Variants in PHLPP1 observed in about 807,000 individuals in gnomAD.
The protein encoded by PHLPP1 is PH domain leucine-rich repeat-containing protein phosphatase 1.
A neutral mutation model predicts 117.2 loss-of-function variants in PHLPP1; 42 were observed. The ratio of observed to expected loss-of-function variants is 0.36; its 90% CI spans 0.28 to 0.46. PHLPP1 has a LOEUF of 0.46. Among genes scored for constraint, PHLPP1 ranks in the 20% least tolerant of loss-of-function variants. The pLI, the probability that PHLPP1 is intolerant of heterozygous loss-of-function variation, is 1.00. For missense variants in PHLPP1, 2,084 were observed against 2,241.9 expected, an observed-to-expected ratio of 0.93 and a Z score of 1.42; for synonymous variants, 1,042 against 970.7, an observed-to-expected ratio of 1.07 and a Z score of -1.37.
rs559488741 is a variant in PHLPP1, at chr18:62,941,799, A to T, written c.3042A>T (p.Leu1014Phe). The T allele has an allele frequency of 6.2e-7, 1 of 1,613,882 alleles. No individual in the cohort carries two copies. The highest frequency in any genetic ancestry group is 2.2e-5 in the East Asian group (1 of 44,890). ...ATLSEETNSI[L>F]QELYLTNNSL... is the part of the protein sequence containing the mutation. ...TTTCCGAAGAGACAAACAGTATCTT[A>T]CAAGAGTTGTATTTGACAAATAACA... The change falls in exon 11 of 17, where the codon TTA (leucine) becomes TTT (phenylalanine). Residue 1014 changes from leucine (L) to phenylalanine (F), a missense_variant. Leu to Phe is a conservative substitution (Grantham distance 22, BLOSUM62 0). Around this residue, in one of 2 missense-constraint regions of PHLPP1, gnomAD observed 1,365 missense variants for 1,605.9 expected, o/e 0.85. Coordinates refer to ENST00000262719, the MANE Select transcript of PHLPP1 (RefSeq NM_194449.4).
intron 3 of PHLPP1, among the ~76,000 whole-genome samples, chr18:62,853,148 T>G (rs1023983397): frequency 2.6e-5 from 4 of 152,134 alleles, no homozygotes; most frequent in Admixed American, 2.6e-4. Context: ...TAGTGCAGTG[T>G]TCTTTAGAGG....
chr18:62,799,705 G>A (rs1295420645), intron 1 of PHLPP1, among the ~76,000 whole-genome samples: 1 of 152,152 alleles, frequency 6.6e-6, no homozygotes, highest in Non-Finnish European at 1.5e-5. Context: ...AATACAGTGT[G>A]TGTTCTACAG....
chr18:62,975,359 G>A (rs1190930949), intron 15 of PHLPP1, 38 bp from the exon 16 acceptor site: 1 of 1,414,198 alleles, frequency 7.1e-7, no homozygotes, highest in Non-Finnish European at 1.0e-6. Flanking sequence ...GCACTGATGG[G>A]CTGTGTTTGA....
chr18:62,877,432 G>A (rs188220882), intron 4 of PHLPP1, among the ~76,000 whole-genome samples: 6 of 152,198 alleles, frequency 3.9e-5, no homozygotes, highest in Non-Finnish European at 2.9e-5. Context: ...AGACACTGCT[G>A]TATAAAAAAC....
chr18:62,747,859 A>G (rs1911724292), intron 1 of PHLPP1, among the ~76,000 whole-genome samples: 1 of 152,088 alleles, frequency 6.6e-6, no homozygotes, highest in South Asian at 2.1e-4. Context: ...TTTAAAGGTC[A>G]TTTTGATGTT....
chr18:62,822,286 G>GTTTTTTTTTTTT, intron 1 of PHLPP1, among the ~76,000 whole-genome samples: 1 of 133,120 alleles, frequency 7.5e-6, no homozygotes, highest in Non-Finnish European at 1.6e-5. Flanking sequence ...TTTTGTTTTT[G>GTTTTTTTTTTTT]TTTTTTTTTT....
intron 3 of PHLPP1, among the ~76,000 whole-genome samples, chr18:62,857,805 A>G (rs965125673): frequency 2.0e-5 from 3 of 152,212 alleles, no homozygotes; most frequent in Admixed American, 6.5e-5. Flanking sequence ...CAGGGCAGAG[A>G]CTGTGTCTGT....
At chr18:62,822,274 T>TG (rs1363646086) in intron 1 of PHLPP1, among the ~76,000 whole-genome samples, 1,666 of 142,314 alleles carry the variant, frequency 0.012, 45 homozygotes, top group South Asian at 0.03. Flanking sequence ...TGTTTTTTTT[T>TG]TTTTTGTTTT....
chr18:62,849,531 C>G (rs1305373460), intron 3 of PHLPP1, among the ~76,000 whole-genome samples: 1 of 150,554 alleles, frequency 6.6e-6, no homozygotes, highest in African/African-American at 2.4e-5. Context: ...CATTGTGGCA[C>G]ATGCCTGTAA....
intron 12 of PHLPP1, among the ~76,000 whole-genome samples, chr18:62,947,968 T>C (rs977149863): frequency 1.3e-5 from 2 of 151,442 alleles, no homozygotes; most frequent in African/African-American, 4.9e-5. Context: ...GAGGTTGCAG[T>C]GAGCCGAGAT....
At chr18:62,935,942 G>A (rs895098288) in intron 10 of PHLPP1, among the ~76,000 whole-genome samples, 1 of 152,186 alleles carries the variant, frequency 6.6e-6, no homozygotes, top group Non-Finnish European at 1.5e-5. Flanking sequence ...GGTGGAGGTT[G>A]CAGTGAGCCG....
chr18:62,813,929 A>G (rs139240124), intron 1 of PHLPP1, among the ~76,000 whole-genome samples: 5 of 151,940 alleles, frequency 3.3e-5, no homozygotes, highest in Admixed American at 1.3e-4. Context: ...ATTTTACTAT[A>G]GTTTATGTGA....
intron 4 of PHLPP1, among the ~76,000 whole-genome samples, chr18:62,872,496 C>T (rs928880943): frequency 6.6e-5 from 10 of 151,892 alleles, no homozygotes; most frequent in African/African-American, 2.2e-4. Flanking sequence ...AGTTTGAAAC[C>T]AGCCTGGCCA....
At chr18:62,767,848 A>G (rs1400973182) in intron 1 of PHLPP1, among the ~76,000 whole-genome samples, 4 of 152,336 alleles carry the variant, frequency 2.6e-5, no homozygotes, top group East Asian at 1.9e-4. Flanking sequence ...CAGAAAACCA[A>G]TCAGTTCAGG....
intron 10 of PHLPP1, among the ~76,000 whole-genome samples, chr18:62,926,932 A>T (rs1290652739): frequency 6.6e-6 from 1 of 152,322 alleles, no homozygotes; most frequent in East Asian, 1.9e-4. Flanking sequence ...GTTTTGTGTC[A>T]AGCGACGGCA....
intron 13 of PHLPP1, among the ~76,000 whole-genome samples, chr18:62,962,162 C>T (rs1190815803): frequency 1.3e-5 from 2 of 152,150 alleles, no homozygotes; most frequent in African/African-American, 4.8e-5. Context: ...AGTAAGAGGA[C>T]TTATTTCACC....
At chr18:62,770,406 G>A (rs1043379306) in intron 1 of PHLPP1, among the ~76,000 whole-genome samples, 3 of 151,988 alleles carry the variant, frequency 2.0e-5, no homozygotes, top group African/African-American at 4.8e-5. Context: ...CACCGTGCCC[G>A]GCCTACTCTG....
intron 1 of PHLPP1, among the ~76,000 whole-genome samples, chr18:62,781,969 A>G (rs1913132282): frequency 6.6e-6 from 1 of 152,226 alleles, no homozygotes; most frequent in African/African-American, 2.4e-5. Flanking sequence ...TCCATCACAA[A>G]TAACACTTGG....
intron 1 of PHLPP1, among the ~76,000 whole-genome samples, chr18:62,787,681 A>T (rs1735973320): frequency 6.6e-6 from 1 of 152,204 alleles, no homozygotes; most frequent in Non-Finnish European, 1.5e-5. Context: ...AGTTTCTCCA[A>T]AGCATTTAGT....
Sources: allele counts gnomAD v4.1 joint callset (sites outside exome capture counted in the v4.1 genomes callset), GRCh38; gene constraint gnomAD v4.1.1; regional missense constraint gnomAD v4.1.1; transcripts MANE v1.5; gene names NCBI Gene and HGNC (gene_info 2026-07-23, HGNC 2026-07-21).